FAM13A: variants seen among roughly 807,000 people sequenced by gnomAD.
FAM13A encodes the protein family with sequence similarity 13 member A.
Under a neutral mutation model 129.6 loss-of-function variants are expected in FAM13A, and 76 were observed. The observed-to-expected ratio is 0.59, with a 90% CI of 0.49 to 0.71. The LOEUF (loss-of-function observed/expected upper bound fraction) is 0.71, where lower values mean the gene tolerates loss of function less well. Ranked by LOEUF, FAM13A falls within the 30% of genes least tolerant of loss-of-function variation. The pLI is 0.00. For synonymous variants in FAM13A, 443 were observed against 449.9 expected (o/e 0.98, Z 0.20); for missense variants, 1,108 against 1,249.3 (o/e 0.89, Z 1.70).
At chr4:88,859,961 T>G (rs946624881) in intron 6 of FAM13A, among the ~76,000 whole-genome samples, 1 of 152,196 alleles carries the variant, frequency 6.6e-6, no homozygotes, top group African/African-American at 2.4e-5. Context: ...TTCAAAATAC[T>G]ATTTTCCTTA....
intron 11 of FAM13A, 150 bp from the exon 12 acceptor site, chr4:88,768,209 A>T: frequency 1.9e-6 from 1 of 537,108 alleles, no homozygotes; most frequent in Non-Finnish European, 3.3e-6. Flanking sequence ...AACTAGTAAA[A>T]TTATGACAGT....
chr4:88,978,748 CCG>C (rs1560627044), intron 4 of FAM13A, among the ~76,000 whole-genome samples: 10 of 152,122 alleles, frequency 6.6e-5, no homozygotes, highest in Middle Eastern at 6.8e-3. Context: ...GAGCCGAGAT[CCG>C]GCCACTGCAC....
At chr4:88,840,928 T>C (rs1235520133) in intron 7 of FAM13A, among the ~76,000 whole-genome samples, 1 of 152,162 alleles carries the variant, frequency 6.6e-6, no homozygotes, top group Non-Finnish European at 1.5e-5. Context: ...CAACTGGATA[T>C]ACACATGCAA....
At chr4:89,023,732 G>A (rs931568027) in intron 2 of FAM13A, among the ~76,000 whole-genome samples, 6 of 152,034 alleles carry the variant, frequency 3.9e-5, no homozygotes, top group Non-Finnish European at 5.9e-5. Flanking sequence ...ATGATAATTC[G>A]TGATGTTCAA....
intron 6 of FAM13A, among the ~76,000 whole-genome samples, chr4:88,884,765 A>G (rs529448392): frequency 6.6e-5 from 10 of 152,270 alleles, no homozygotes; most frequent in Middle Eastern, 6.8e-3. Context: ...GTCCTCCAAA[A>G]AGCTCCTAGA....
intron 6 of FAM13A, among the ~76,000 whole-genome samples, chr4:88,874,458 C>T (rs28767574): frequency 0.21 from 31,968 of 152,124 alleles, 3,791 homozygotes; most frequent in South Asian, 0.49. Flanking sequence ...GATACAAAAT[C>T]AATGTGCAAA....
chr4:89,057,050 A>T lies in FAM13A; in HGVS notation c.-86T>A. 6.3e-7 allele frequency: 1 copy of T among 1,588,186 alleles called. No individual in the cohort carries two copies. Among genetic ancestry groups the T allele is most frequent in the Non-Finnish European group, 8.5e-7 (1 of 1,169,748 alleles). ...AAAATACTAAAATTCCATTCAGCAC[A>T]TATTCTTTGATGTGAAAAACAGCTC... is the stretch of plus-strand genomic sequence containing the variant. On this transcript the variant is annotated 5_prime_UTR_variant, in exon 1 of 24. An upstream start codon of the reference 5' UTR is lost. Transcript: ENST00000264344.
intron 2 of FAM13A, among the ~76,000 whole-genome samples, chr4:89,026,135 T>A (rs571307235): frequency 1.3e-5 from 2 of 152,326 alleles, no homozygotes; most frequent in South Asian, 4.1e-4. Flanking sequence ...CATACAACCC[T>A]ACTTAACAGA....
intron 21 of FAM13A, among the ~76,000 whole-genome samples, chr4:88,735,218 A>G (rs1364179783): frequency 6.6e-6 from 1 of 152,316 alleles, no homozygotes. Flanking sequence ...AACTAAGCCT[A>G]TGGGATAGAA....
chr4:89,026,637 C>A (rs1768005297), intron 2 of FAM13A, among the ~76,000 whole-genome samples: 1 of 152,152 alleles, frequency 6.6e-6, no homozygotes, highest in Non-Finnish European at 1.5e-5. Flanking sequence ...GCTGAGCGAA[C>A]AGGGAAGAGC....
intron 7 of FAM13A, chr4:88,823,405 C>T: frequency 1.2e-6 from 1 of 867,156 alleles, no homozygotes; most frequent in Non-Finnish European, 1.4e-6. Flanking sequence ...TCTCCTCCTG[C>T]TCCTGCTCCT....
intron 5 of FAM13A, among the ~76,000 whole-genome samples, chr4:88,920,664 G>T (rs1444087934): frequency 6.6e-6 from 1 of 152,186 alleles, no homozygotes; most frequent in Non-Finnish European, 1.5e-5. Flanking sequence ...CCAAAAGAAC[G>T]CAGTTCCTCA....
intron 8 of FAM13A, among the ~76,000 whole-genome samples, chr4:88,795,779 G>T (rs184183288): frequency 1.1e-4 from 16 of 151,780 alleles, no homozygotes; most frequent in African/African-American, 3.9e-4. Flanking sequence ...GATTCAAATA[G>T]ATGTTCTCCA....
intron 21 of FAM13A, among the ~76,000 whole-genome samples, chr4:88,734,787 C>A (rs1738638055): frequency 6.6e-6 from 1 of 152,162 alleles, no homozygotes; most frequent in Admixed American, 6.5e-5. Flanking sequence ...TTACCCAGCC[C>A]CAAAGGTCAG....
intron 6 of FAM13A, among the ~76,000 whole-genome samples, chr4:88,874,577 T>C (rs896767720): frequency 6.6e-6 from 1 of 152,146 alleles, no homozygotes; most frequent in African/African-American, 2.4e-5. Flanking sequence ...GGAATCCAAC[T>C]GACAAGGGAC....
chr4:88,796,502 CT>C (rs1726211438), intron 8 of FAM13A, among the ~76,000 whole-genome samples: 1 of 151,976 alleles, frequency 6.6e-6, no homozygotes, highest in African/African-American at 2.4e-5. Context: ...ATTCTCAATG[CT>C]ATCTATCCTG....
intron 7 of FAM13A, among the ~76,000 whole-genome samples, chr4:88,843,695 T>C (rs1408009101): frequency 6.6e-6 from 1 of 152,274 alleles, no homozygotes; most frequent in Non-Finnish European, 1.5e-5. Context: ...TGAAATGCAC[T>C]ATTGTAAGAC....
intron 6 of FAM13A, among the ~76,000 whole-genome samples, chr4:88,887,530 C>CT (rs33953927): frequency 0.27 from 34,498 of 128,632 alleles, 5,140 homozygotes; most frequent in East Asian, 0.36. Flanking sequence ...ACCTTTCTTT[C>CT]TTTCTTTTTT....
intron 6 of FAM13A, among the ~76,000 whole-genome samples, chr4:88,903,167 A>G (rs530703123): frequency 1.8e-4 from 27 of 152,270 alleles, no homozygotes; most frequent in South Asian, 1.7e-3. Flanking sequence ...TTATGAAAAT[A>G]CTCATACTGC....
Sources: allele counts gnomAD v4.1 joint callset (sites outside exome capture counted in the v4.1 genomes callset), GRCh38; gene constraint gnomAD v4.1.1; transcripts MANE v1.5; gene names NCBI Gene and HGNC (gene_info 2026-07-23, HGNC 2026-07-21).